Variants in PASD1 observed in about 807,000 individuals in gnomAD.
PASD1 encodes circadian clock protein PASD1.
PASD1 carries 13 observed loss-of-function variants against 58.8 expected under a neutral mutation model. The ratio of observed to expected loss-of-function variants is 0.22; its 90% CI spans 0.14 to 0.35. The LOEUF (loss-of-function observed/expected upper bound fraction) is 0.35. PASD1 is among the 10% of genes least tolerant of loss of function. PASD1 has a pLI of 1.00. For missense variants in PASD1, 734 were observed against 568.3 expected (o/e 1.29, Z -2.96); for synonymous variants, 236 against 216.7 (o/e 1.09, Z -0.78).
chrX:151,611,571 T>A, intron 3 of PASD1, 93 bp from the exon 4 acceptor site: 1 of 578,880 alleles, frequency 1.7e-6, no homozygotes, highest in African/African-American at 2.3e-5. Flanking sequence ...TGCATTTCAG[T>A]GTGCTATTAT....
Position 151,673,611 on chromosome X carries a change from T to TC in PASD1, c.1917-314dup, listed in dbSNP as rs769238558. ...TTACAGTCTCTGCTCAGCCATTAGC[T>TC]CCCTGAGTGCTTTCAAAGTAGGTGA... On this transcript the variant is annotated intron_variant, in intron 14 of 15. Coordinates refer to ENST00000370357, the MANE Select transcript of PASD1 (RefSeq NM_173493.3). 1.1e-3 allele frequency: 362 copies of TC among 332,535 alleles called. 4 individuals carry two copies. Among genetic ancestry groups the TC allele is most frequent in the African/African-American group, 8.4e-3 (325 of 38,469 alleles). The allele number at this position is 332,535 out of a possible 1,213,427, so 27.4% of individuals were successfully genotyped here.
intron 14 of PASD1, chrX:151,673,322 G>A (rs2014502548): frequency 8.5e-6 from 1 of 117,085 alleles, no homozygotes; most frequent in Admixed American, 8.5e-5. Flanking sequence ...AAATAGTTTT[G>A]AATGAATGTT....
At chrX:151,639,136 A>G (rs900335562) in intron 8 of PASD1, among the ~76,000 whole-genome samples, 2 of 112,082 alleles carry the variant, frequency 1.8e-5, no homozygotes, top group African/African-American at 6.5e-5. Flanking sequence ...TGAATTCTCA[A>G]CACTCTTTTC....
intron 3 of PASD1, among the ~76,000 whole-genome samples, chrX:151,610,565 G>A (rs368260484): frequency 5.4e-5 from 6 of 111,071 alleles, no homozygotes; most frequent in South Asian, 7.6e-4. Context: ...CCTCTTATTC[G>A]TAATGCTTCA....
At position 151,672,245 on chromosome X, in the gene PASD1, G is replaced by C; in HGVS notation, c.1500G>C (p.Leu500=). The change falls in exon 14 of 16, where the codon CTG becomes CTC. Residue 500 remains leucine (L), a synonymous_variant. Transcript: ENST00000370357. ...KEQQRQLREQ[L]QQLREQRKVQ... ...AGCAGCGGCAGCTGCGGGAGCAGCT[G>C]CAACAGCTGAGAGAGCAAAGGAAGG... 2 of 1,166,286 alleles carry C rather than the reference G, an allele frequency of 1.7e-6. No homozygotes were observed. The highest frequency in any genetic ancestry group is 2.3e-6 in the Non-Finnish European group (2 of 872,759).
At chrX:151,644,820 A>G (rs1245252934) in intron 8 of PASD1, among the ~76,000 whole-genome samples, 1 of 110,745 alleles carries the variant, frequency 9.0e-6, no homozygotes, top group Non-Finnish European at 1.9e-5. Context: ...TAATTGACCA[A>G]TGTTGAGGGT....
chrX:151,621,122 C>A, intron 5 of PASD1, 93 bp downstream of exon 5: 1 of 505,587 alleles, frequency 2.0e-6, no homozygotes, highest in Non-Finnish European at 3.2e-6. Flanking sequence ...TATTAGAGCA[C>A]ATACGGCTGT....
intron 1 of PASD1, among the ~76,000 whole-genome samples, chrX:151,568,863 C>T (rs1165307221): frequency 9.0e-6 from 1 of 111,279 alleles, no homozygotes; most frequent in African/African-American, 3.3e-5. Context: ...TGAACTTCTC[C>T]ATCCGTGTGG....
At chrX:151,652,221 G>A (rs1020104605) in intron 9 of PASD1, among the ~76,000 whole-genome samples, 1 of 111,588 alleles carries the variant, frequency 9.0e-6, no homozygotes, top group Non-Finnish European at 1.9e-5. Context: ...ATTAAATAAA[G>A]AAATCATTGA....
At chrX:151,575,510 G>A (rs189181185) in intron 1 of PASD1, among the ~76,000 whole-genome samples, 1 of 111,706 alleles carries the variant, frequency 9.0e-6, no homozygotes, top group Non-Finnish European at 1.9e-5. Flanking sequence ...GTAAGAAAAC[G>A]ATTTTTGTCT....
chrX:151,669,117 A>G, intron 11 of PASD1, among the ~76,000 whole-genome samples: 1 of 106,198 alleles, frequency 9.4e-6, no homozygotes, highest in Middle Eastern at 5.0e-3. Flanking sequence ...TTTTCTTAGA[A>G]TTTTGTTTAT....
intron 1 of PASD1, among the ~76,000 whole-genome samples, chrX:151,588,472 C>A (rs112589271): frequency 0.052 from 5,782 of 111,666 alleles, 168 homozygotes; most frequent in African/African-American, 0.11. Flanking sequence ...ATGAGTCAAA[C>A]ACTTTCTGGC....
chrX:151,598,635 A>T (rs1602919796), intron 1 of PASD1, among the ~76,000 whole-genome samples: 1 of 111,256 alleles, frequency 9.0e-6, no homozygotes, highest in African/African-American at 3.3e-5. Context: ...GCTCTGTTCC[A>T]CTTACTAATT....
intron 2 of PASD1, 48 bp from the exon 3 acceptor site, chrX:151,604,598 T>A: frequency 1.1e-6 from 1 of 940,385 alleles, no homozygotes; most frequent in South Asian, 2.1e-5. Context: ...CCATAGCTAA[T>A]CATTTTAATG....
chrX:151,588,971 C>T (rs985970134), intron 1 of PASD1, among the ~76,000 whole-genome samples: 1 of 111,217 alleles, frequency 9.0e-6, no homozygotes, highest in Non-Finnish European at 1.9e-5. Context: ...GTGAGCTTTC[C>T]CCACATCCCT....
intron 9 of PASD1, among the ~76,000 whole-genome samples, chrX:151,650,871 G>A (rs1435743530): frequency 9.0e-6 from 1 of 111,255 alleles, no homozygotes; most frequent in Non-Finnish European, 1.9e-5. Context: ...TGGACTGCCC[G>A]AGTTGAGATT....
At chrX:151,595,542 C>G (rs919711847) in intron 1 of PASD1, among the ~76,000 whole-genome samples, 1 of 108,300 alleles carries the variant, frequency 9.2e-6, no homozygotes, top group Non-Finnish European at 1.9e-5. Context: ...CATGGTGAAA[C>G]CCCGTCTCTA....
intron 2 of PASD1, among the ~76,000 whole-genome samples, chrX:151,604,173 A>G (rs1392057310): frequency 1.8e-5 from 2 of 111,825 alleles, no homozygotes; most frequent in Non-Finnish European, 3.8e-5. Context: ...TGAAGAGATA[A>G]AAGATAAGGC....
intron 1 of PASD1, among the ~76,000 whole-genome samples, chrX:151,570,826 A>T (rs2012917208): frequency 8.9e-6 from 1 of 112,429 alleles, no homozygotes; most frequent in Non-Finnish European, 1.9e-5. Flanking sequence ...TACTAAAAGG[A>T]GGTGGTTGAT....
Sources: gnomAD v4.1 joint callset for allele counts (sites outside exome capture counted in the v4.1 genomes callset) on GRCh38, gnomAD v4.1.1 for gene constraint, MANE v1.5 for transcripts, NCBI Gene and HGNC (gene_info 2026-07-23, HGNC 2026-07-21) for gene names.